C8orf74: variants seen among roughly 807,000 people sequenced by gnomAD.
C8orf74 encodes the protein uncharacterized protein C8orf74.
C8orf74 carries 29 observed loss-of-function variants against 22.2 expected under a neutral mutation model. That is an observed-to-expected ratio of 1.31 (90% CI 0.97 to 1.78). The LOEUF is 1.78. Ranked by LOEUF, C8orf74 falls within the 40% of genes most tolerant of loss-of-function variation. C8orf74 has a pLI of 0.00. For synonymous variants in C8orf74, 255 were observed against 163.1 expected, an observed-to-expected ratio of 1.56 and a Z score of -4.30; for missense variants, 515 against 369.9, an observed-to-expected ratio of 1.39 and a Z score of -3.22.
In C8orf74 at chr8:10,672,671, A is replaced by G; in HGVS notation, c.6A>G (p.Ala2=). 6.4e-7 allele frequency: 1 copy of G among 1,565,138 alleles called. No homozygotes were observed. Among genetic ancestry groups the G allele is most frequent in the African/African-American group, 1.4e-5 (1 of 73,706 alleles). M[A]LLTPQGVKEV... ...GGCAACCAGATGCAGGGGCCATGGC[A>G]CTCTTAACACCCCAGGGAGTGAAAG... Residue 2 remains alanine, a synonymous_variant, in exon 1 of 4, where the codon GCA becomes GCG. Coordinates refer to ENST00000304519, the MANE Select transcript of C8orf74 (RefSeq NM_001040032.2).
At chr8:10,684,960 G>A (rs1799230742) in intron 2 of C8orf74, among the ~76,000 whole-genome samples, 1 of 152,212 alleles carries the variant, frequency 6.6e-6, no homozygotes, top group Non-Finnish European at 1.5e-5. Context: ...CCAATGGGAG[G>A]GTAGCATTGA....
intron 2 of C8orf74, 147 bp from the exon 3 acceptor site, chr8:10,697,452 A>T (rs1799546553): frequency 3.0e-6 from 2 of 665,616 alleles, no homozygotes; most frequent in Non-Finnish European, 4.9e-6. Flanking sequence ...CCGTCTCAAA[A>T]AAAATAAATA....
At chr8:10,684,931 G>A (rs912105324) in intron 2 of C8orf74, among the ~76,000 whole-genome samples, 1 of 152,194 alleles carries the variant, frequency 6.6e-6, no homozygotes, top group Non-Finnish European at 1.5e-5. Context: ...ATCTGATAAC[G>A]GAGATAGCTC....
chr8:10,697,929 T>A lies in C8orf74; in HGVS notation c.572T>A (p.Leu191Gln). 1 of 1,593,234 alleles carries A rather than the reference T, an allele frequency of 6.3e-7. No individual in the cohort carries two copies. The highest frequency in any genetic ancestry group is 8.5e-7 in the Non-Finnish European group (1 of 1,170,442). ...CTGCTCCTGAAAGAGGCGCTGCGCCTGGAGCGGGAGAACTCGCTGCAGAAG... is the reference window on the plus strand; with the variant it reads ...CTGCTCCTGAAAGAGGCGCTGCGCCAGGAGCGGGAGAACTCGCTGCAGAAG... ...DVLLLKEALR[L>Q]ERENSLQKAF... is the part of the protein sequence containing the mutation. Residue 191 changes from leucine to glutamine, a missense_variant, in exon 3 of 4, where the codon CTG becomes CAG. By Grantham distance (113) the Leu-to-Gln change is moderately radical. Coordinates refer to ENST00000304519, the MANE Select transcript of C8orf74 (RefSeq NM_001040032.2).
intron 2 of C8orf74, among the ~76,000 whole-genome samples, chr8:10,694,798 C>G (rs1201999094): frequency 1.3e-5 from 2 of 151,712 alleles, no homozygotes; most frequent in African/African-American, 4.8e-5. Context: ...GTGGATAGAT[C>G]AAAGAATTAA....
intron 2 of C8orf74, chr8:10,688,629 GCC>G (rs1799311151): frequency 3.9e-5 from 6 of 152,446 alleles, no homozygotes; most frequent in Non-Finnish European, 5.9e-5. Flanking sequence ...AATCCTTGGT[GCC>G]CAAGTCACAG....
At chr8:10,681,751 C>T (rs990119651) in intron 2 of C8orf74, among the ~76,000 whole-genome samples, 1 of 152,218 alleles carries the variant, frequency 6.6e-6, no homozygotes, top group African/African-American at 2.4e-5. Context: ...GCAGGAAGAA[C>T]CTTTGCATAT....
intron 2 of C8orf74, among the ~76,000 whole-genome samples, chr8:10,678,255 G>A (rs1799074138): frequency 6.6e-6 from 1 of 152,168 alleles, no homozygotes; most frequent in Non-Finnish European, 1.5e-5. Context: ...GACACATCTA[G>A]AAAAATGGGG....
rs1799565573 is a variant in C8orf74 at position 10,697,936 on chromosome 8, G to A, written c.579G>A (p.Arg193=). The A allele has an allele frequency of 4.4e-6, 7 of 1,584,166 alleles. 1 individual carries two copies. Among genetic ancestry groups the A allele is most frequent in the African/African-American group, 1.3e-5 (1 of 74,506 alleles). ...LLLKEALRLE[R]ENSLQKAFAA... ...TGAAAGAGGCGCTGCGCCTGGAGCG[G>A]GAGAACTCGCTGCAGAAGGCGTTCG... Residue 193 remains arginine, a synonymous_variant, in exon 3 of 4, where the codon CGG becomes CGA. Transcript: ENST00000304519.
intron 2 of C8orf74, 32 bp downstream of exon 2, chr8:10,674,870 G>A: frequency 2.6e-6 from 4 of 1,549,008 alleles, no homozygotes; most frequent in Non-Finnish European, 2.6e-6. Context: ...AGTCAGCAGA[G>A]GCTGGCGGGA....
At position 10,674,653 on chromosome 8, in the gene C8orf74, A is replaced by G; in HGVS notation, c.56A>G (p.Gln19Arg). 1.9e-6 allele frequency: 3 copies of G among 1,604,924 alleles called. No individual in the cohort carries two copies. The highest frequency in any genetic ancestry group is 2.6e-6 in the Non-Finnish European group (3 of 1,175,836). ...CCATGTCATTCCCTGCAGAGACCAC[A>G]AGGTCGGGAGCGCCTGCGGAGGCTT... ...VKEVFQLQRP[Q>R]GRERLRRLLN... Residue 19 changes from glutamine to arginine, a missense_variant, in exon 2 of 4, where the codon CAA becomes CGA. Physicochemically the swap from Gln to Arg is conservative, Grantham distance 43. Transcript: ENST00000304519.
intron 2 of C8orf74, among the ~76,000 whole-genome samples, chr8:10,678,262 G>T (rs1247408509): frequency 1.3e-5 from 2 of 152,192 alleles, no homozygotes; most frequent in African/African-American, 4.8e-5. Flanking sequence ...CTAGAAAAAT[G>T]GGGATGCAGG....
rs1799635363 is a variant in C8orf74 at position 10,700,520 on chromosome 8, C to A, written c.*49C>A. ...CTGACTGGGGACCAGCCACCCATAA[C>A]CATGAGCCTTGCGGCACGGTGAGCT... On this transcript the variant is annotated 3_prime_UTR_variant, in exon 4 of 4. Transcript: ENST00000304519. 7.9e-7 allele frequency: 1 copy of A among 1,260,006 alleles called. No homozygotes were observed. Among genetic ancestry groups the A allele is most frequent in the Non-Finnish European group, 1.1e-6 (1 of 915,978 alleles). 78.1% of individuals were successfully genotyped at this position (1,260,006 alleles called of 1,614,324 possible).
intron 2 of C8orf74, chr8:10,692,931 C>T (rs376860464): frequency 1.3e-5 from 2 of 152,322 alleles, no homozygotes; most frequent in African/African-American, 2.4e-5. Context: ...GGGAAAATGA[C>T]CAAGAACAAA....
chr8:10,681,028 G>T (rs1038629816), intron 2 of C8orf74, among the ~76,000 whole-genome samples: 7 of 151,416 alleles, frequency 4.6e-5, no homozygotes, highest in Admixed American at 6.6e-5. Context: ...GCTAAGGATG[G>T]TTGCATTGTG....
intron 2 of C8orf74, among the ~76,000 whole-genome samples, chr8:10,681,373 G>C (rs1358785975): frequency 1.3e-5 from 2 of 152,196 alleles, no homozygotes; most frequent in Non-Finnish European, 2.9e-5. Context: ...TGGCACAGAG[G>C]GGCGGGAGTC....
At chr8:10,692,585 T>C (rs906508370) in intron 2 of C8orf74, 1 of 152,294 alleles carries the variant, frequency 6.6e-6, no homozygotes, top group Admixed American at 6.5e-5. Context: ...GCACGATCTG[T>C]AGCCTTGACC....
rs1179165070 is a variant in C8orf74, at chr8:10,696,018, A to T, written c.242-1581A>T. The stretch of plus-strand genomic sequence containing the variant: ...ACATTTCCAGGACGGTGTCTGCGAG[A>T]ACCCAGGTCTCCACGCCTGGGCCAT... On this transcript the variant is annotated intron_variant, in intron 2 of 3. Coordinates refer to ENST00000304519, the MANE Select transcript of C8orf74 (RefSeq NM_001040032.2). 3.3e-5 allele frequency among the ~76,000 whole-genome samples: 5 copies of T among 152,110 alleles called. No homozygotes were observed. The East Asian group carries it at 5.8e-4, about 18-fold the overall frequency.
intron 2 of C8orf74, among the ~76,000 whole-genome samples, chr8:10,685,685 T>A (rs1799248419): frequency 6.6e-6 from 1 of 152,004 alleles, no homozygotes; most frequent in Admixed American, 6.6e-5. Context: ...GAGTTCTAGT[T>A]TGGGATGATA....
Sources: allele counts gnomAD v4.1 joint callset (sites outside exome capture counted in the v4.1 genomes callset), GRCh38; gene constraint gnomAD v4.1.1; transcripts MANE v1.5; gene names NCBI Gene and HGNC (gene_info 2026-07-23, HGNC 2026-07-21).